Variants in GSG1L observed in about 807,000 individuals in gnomAD.
The protein encoded by GSG1L is GSG1 like.
GSG1L carries 24 observed loss-of-function variants against 42.1 expected under a neutral mutation model. The observed-to-expected ratio is 0.57, with a 90% confidence interval of 0.41 to 0.80. GSG1L has a LOEUF of 0.80. Among genes scored for constraint, GSG1L ranks in the 30% least tolerant of loss-of-function variants. The pLI is 0.00. For synonymous variants in GSG1L, 215 were observed against 203.5 expected, an observed-to-expected ratio of 1.06 and a Z score of -0.48; for missense variants, 445 against 472.2, an observed-to-expected ratio of 0.94 and a Z score of 0.53.
intron 2 of GSG1L, among the ~76,000 whole-genome samples, chr16:27,916,667 C>T (rs2084459655): frequency 6.6e-6 from 1 of 152,010 alleles, no homozygotes; most frequent in African/African-American, 2.4e-5. Flanking sequence ...TTCATGGGCA[C>T]CAGAATTCCC....
At chr16:28,054,931 C>T (rs1394206485) in intron 1 of GSG1L, among the ~76,000 whole-genome samples, 1 of 152,170 alleles carries the variant, frequency 6.6e-6, no homozygotes, top group Non-Finnish European at 1.5e-5. Flanking sequence ...GAGCCACCCC[C>T]TCCTGCAGTG....
At chr16:27,997,639 G>A (rs1158270932) in intron 1 of GSG1L, among the ~76,000 whole-genome samples, 4 of 151,760 alleles carry the variant, frequency 2.6e-5, no homozygotes, top group Admixed American at 6.6e-5. Flanking sequence ...TTGTGATGTG[G>A]ACATCTTTGC....
At chr16:27,857,424 T>A (rs1173472776) in intron 3 of GSG1L, among the ~76,000 whole-genome samples, 2 of 101,062 alleles carry the variant, frequency 2.0e-5, no homozygotes, top group African/African-American at 8.7e-5. Context: ...CAAGACTACA[T>A]CTCAAAAAAA....
chr16:27,808,283 T>C (rs1424401191), intron 5 of GSG1L, among the ~76,000 whole-genome samples: 2 of 152,194 alleles, frequency 1.3e-5, no homozygotes, highest in Non-Finnish European at 2.9e-5. Flanking sequence ...GATAGGGTCT[T>C]GTCGTGTTGG....
intron 2 of GSG1L, among the ~76,000 whole-genome samples, chr16:27,954,437 C>G (rs535407719): frequency 6.6e-6 from 1 of 152,120 alleles, no homozygotes; most frequent in Admixed American, 6.6e-5. Flanking sequence ...AGGAACCAGG[C>G]CCAGCTGAGC....
At chr16:27,830,525 T>C (rs2083263331) in intron 4 of GSG1L, among the ~76,000 whole-genome samples, 1 of 152,156 alleles carries the variant, frequency 6.6e-6, no homozygotes, top group Admixed American at 6.5e-5. Context: ...CAAAACCCAT[T>C]GATAGAGTTC....
At chr16:27,837,138 T>A (rs1260752292) in intron 4 of GSG1L, among the ~76,000 whole-genome samples, 1 of 152,162 alleles carries the variant, frequency 6.6e-6, no homozygotes, top group South Asian at 2.1e-4. Context: ...AGGAAACTTA[T>A]AATCATGGCA....
chr16:27,960,780 T>A (rs886219), intron 2 of GSG1L, among the ~76,000 whole-genome samples: 32,041 of 152,002 alleles, frequency 0.21, 3,808 homozygotes, highest in East Asian at 0.48. Context: ...CTACAGTGTT[T>A]GAGAGACAGC....
At chr16:27,930,777 T>C (rs2084648128) in intron 2 of GSG1L, among the ~76,000 whole-genome samples, 1 of 152,182 alleles carries the variant, frequency 6.6e-6, no homozygotes, top group African/African-American at 2.4e-5. Flanking sequence ...CAGGCTGGAG[T>C]GCAGTGGCAC....
At chr16:28,007,582 A>C (rs894600190) in intron 1 of GSG1L, among the ~76,000 whole-genome samples, 7 of 151,734 alleles carry the variant, frequency 4.6e-5, no homozygotes, top group African/African-American at 1.7e-4. Flanking sequence ...GTGCCATCAC[A>C]GGTCACTGCC....
At chr16:27,958,198 A>G (rs2085028232) in intron 2 of GSG1L, among the ~76,000 whole-genome samples, 1 of 152,084 alleles carries the variant, frequency 6.6e-6, no homozygotes, top group Non-Finnish European at 1.5e-5. Context: ...TGAGGTCAGG[A>G]GTTCGAGACC....
At chr16:27,864,815 C>A (rs750762740) in intron 3 of GSG1L, among the ~76,000 whole-genome samples, 9 of 152,200 alleles carry the variant, frequency 5.9e-5, no homozygotes, top group Non-Finnish European at 1.0e-4. Flanking sequence ...AGGTCTTGGG[C>A]CCTCTCTGCT....
At chr16:28,012,287 C>T (rs2141157130) in intron 1 of GSG1L, among the ~76,000 whole-genome samples, 1 of 152,218 alleles carries the variant, frequency 6.6e-6, no homozygotes, top group Admixed American at 6.5e-5. Flanking sequence ...TTATGGCACA[C>T]ATCATGTGGT....
At chr16:27,984,086 T>C (rs1314117580) in intron 1 of GSG1L, among the ~76,000 whole-genome samples, 1 of 152,188 alleles carries the variant, frequency 6.6e-6, no homozygotes, top group Non-Finnish European at 1.5e-5. Flanking sequence ...ATGGTTTTTA[T>C]CCTAAAAGTT....
chr16:27,878,321 G>A (rs2083911833), intron 3 of GSG1L, among the ~76,000 whole-genome samples: 1 of 152,176 alleles, frequency 6.6e-6, no homozygotes, highest in African/African-American at 2.4e-5. Flanking sequence ...CAATCATGGT[G>A]GAAGGGGAAG....
intron 4 of GSG1L, among the ~76,000 whole-genome samples, chr16:27,832,757 TC>T (rs1357528434): frequency 6.6e-6 from 1 of 152,242 alleles, no homozygotes; most frequent in Non-Finnish European, 1.5e-5. Flanking sequence ...TATCTGTGTA[TC>T]CTCTTTGACA....
chr16:27,794,067 C>T (rs970966780), intron 6 of GSG1L, among the ~76,000 whole-genome samples: 4 of 152,156 alleles, frequency 2.6e-5, no homozygotes, highest in African/African-American at 4.8e-5. Context: ...CAAGATGGAG[C>T]GCAGTGGCGC....
chr16:27,811,317 C>A (rs752932861), intron 5 of GSG1L, among the ~76,000 whole-genome samples: 3 of 152,120 alleles, frequency 2.0e-5, no homozygotes. Flanking sequence ...ATTCAATACC[C>A]CCATTGGTAG....
intron 6 of GSG1L, among the ~76,000 whole-genome samples, chr16:27,792,455 C>T (rs1484370030): frequency 6.6e-6 from 1 of 152,204 alleles, no homozygotes; most frequent in African/African-American, 2.4e-5. Context: ...TTTGGAAGAT[C>T]ACTCCCTTGT....
Sources: gnomAD v4.1 joint callset for allele counts (sites outside exome capture counted in the v4.1 genomes callset) on GRCh38, gnomAD v4.1.1 for gene constraint, MANE v1.5 for transcripts, NCBI Gene and HGNC (gene_info 2026-07-23, HGNC 2026-07-21) for gene names.